Variants in NKAIN3 observed in about 807,000 individuals in gnomAD.
NKAIN3 encodes sodium/potassium transporting ATPase interacting 3.
A neutral mutation model predicts 30.2 loss-of-function variants in NKAIN3; 25 were observed. That is an observed-to-expected ratio of 0.83 (90% CI 0.60 to 1.16). The LOEUF (loss-of-function observed/expected upper bound fraction) is 1.16. NKAIN3 is among the 50% of genes most tolerant of loss of function. The pLI, the probability that NKAIN3 is intolerant of heterozygous loss-of-function variation, is 0.00. For synonymous variants in NKAIN3, 91 were observed against 89.6 expected (o/e 1.02, Z -0.09); for missense variants, 225 against 254.1 (o/e 0.89, Z 0.78).
At chr8:62,765,246 C>CAA (rs34477671) in intron 4 of NKAIN3, among the ~76,000 whole-genome samples, 1,130 of 40,336 alleles carry the variant, frequency 0.028, 49 homozygotes, top group African/African-American at 0.075. Context: ...GACTCCATCT[C>CAA]AAAAAAAAAA....
chr8:62,727,882 GT>G (rs1815311426), intron 3 of NKAIN3, among the ~76,000 whole-genome samples: 1 of 152,098 alleles, frequency 6.6e-6, no homozygotes, highest in African/African-American at 2.4e-5. Context: ...TTATTGAGGT[GT>G]AATTTATATA....
intron 5 of NKAIN3, among the ~76,000 whole-genome samples, chr8:62,997,017 C>T (rs1273985250): frequency 6.6e-6 from 1 of 152,192 alleles, no homozygotes; most frequent in Non-Finnish European, 1.5e-5. Context: ...GCCCTCTTCT[C>T]ACAGTTCCAC....
Position 62,539,266 on chromosome 8 carries a change from G to A in NKAIN3, c.55-40273G>A, listed in dbSNP as rs527628454. Among the ~76,000 whole-genome samples, 4 of 152,318 alleles carry A rather than the reference G, an allele frequency of 2.6e-5. No individual in the cohort carries two copies. The East Asian group carries it at 7.7e-4, about 29-fold the overall frequency. On this transcript the variant is annotated intron_variant, in intron 1 of 6. Coordinates refer to ENST00000623646, the MANE Select transcript of NKAIN3 (RefSeq NM_001304533.3). ...AATTAATTTCTTGAAAGATAACTCA[G>A]TAGAAATGATTTCATCATTAAGGGG...
At position 62,965,537 on chromosome 8, in the gene NKAIN3, A is replaced by G. The variant is rs753037154; in HGVS notation, c.*130A>G. The G allele has an allele frequency of 2.0e-6, 2 of 983,654 alleles. No homozygotes were observed. Among genetic ancestry groups the G allele is most frequent in the Admixed American group, 6.2e-5 (1 of 16,038 alleles). 60.9% of individuals were successfully genotyped at this position (983,654 alleles called of 1,614,324 possible). Reference sequence around the variant, plus strand: ...TTTTGGTCACAGCCTTTGTATTATTAGCATTGTTCTCTAGATGAGTTCTAG... The same window carrying G: ...TTTTGGTCACAGCCTTTGTATTATTGGCATTGTTCTCTAGATGAGTTCTAG... On this transcript the variant is annotated 3_prime_UTR_variant, in exon 7 of 7. Coordinates refer to ENST00000623646, the MANE Select transcript of NKAIN3 (RefSeq NM_001304533.3).
intron 1 of NKAIN3, among the ~76,000 whole-genome samples, chr8:62,460,538 G>A (rs1409857539): frequency 1.3e-5 from 2 of 152,144 alleles, no homozygotes; most frequent in African/African-American, 4.8e-5. Context: ...CTGAATGTTG[G>A]TAAGAACAAT....
chr8:62,783,729 G>A (rs1038070651), intron 4 of NKAIN3, among the ~76,000 whole-genome samples: 1 of 150,956 alleles, frequency 6.6e-6, no homozygotes, highest in African/African-American at 2.4e-5. Context: ...TCTGGCCTCA[G>A]CCTCTAGAGT....
intron 3 of NKAIN3, among the ~76,000 whole-genome samples, chr8:62,711,885 C>G (rs573194966): frequency 3.3e-5 from 5 of 152,320 alleles, no homozygotes; most frequent in Middle Eastern, 3.4e-3. Flanking sequence ...GAGGGAATGT[C>G]TAGGGCTGAA....
intron 5 of NKAIN3, among the ~76,000 whole-genome samples, chr8:62,934,106 C>T (rs1429399293): frequency 6.6e-6 from 1 of 152,158 alleles, no homozygotes; most frequent in Admixed American, 6.5e-5. Context: ...CTGATAAAGT[C>T]TTGTGTGGTG....
At chr8:62,453,690 G>A (rs1805720569) in intron 1 of NKAIN3, among the ~76,000 whole-genome samples, 1 of 151,900 alleles carries the variant, frequency 6.6e-6, no homozygotes, top group African/African-American at 2.4e-5. Flanking sequence ...AATGACAAAG[G>A]GGGCATTACC....
chr8:62,816,270 TTTG>T (rs1229969438), intron 4 of NKAIN3, among the ~76,000 whole-genome samples: 2 of 152,180 alleles, frequency 1.3e-5, no homozygotes, highest in Non-Finnish European at 2.9e-5. Flanking sequence ...TAGTGTAGTC[TTTG>T]TATGATTTGT....
chr8:62,952,541 G>A (rs1381469511), intron 5 of NKAIN3, among the ~76,000 whole-genome samples: 2 of 151,968 alleles, frequency 1.3e-5, no homozygotes, highest in South Asian at 2.1e-4. Context: ...TGACTATTTC[G>A]ACCTTTGAAG....
At chr8:62,557,694 T>C (rs116482629) in intron 1 of NKAIN3, among the ~76,000 whole-genome samples, 2,268 of 152,210 alleles carry the variant, frequency 0.015, 62 homozygotes, top group African/African-American at 0.051. Context: ...TGTTGACCAT[T>C]TGTATATCTT....
intron 1 of NKAIN3, among the ~76,000 whole-genome samples, chr8:62,265,478 A>G (rs1300384887): frequency 6.6e-6 from 1 of 152,248 alleles, no homozygotes; most frequent in African/African-American, 2.4e-5. Flanking sequence ...AGCAGCTTTC[A>G]GTAAACATCT....
chr8:62,754,707 C>T (rs912927084), intron 4 of NKAIN3, among the ~76,000 whole-genome samples: 36 of 152,102 alleles, frequency 2.4e-4, no homozygotes, highest in African/African-American at 8.2e-4. Flanking sequence ...CCTTTCATAT[C>T]GGACACATTC....
chr8:62,382,671 A>G (rs1168037227), intron 1 of NKAIN3, among the ~76,000 whole-genome samples: 2 of 152,116 alleles, frequency 1.3e-5, no homozygotes, highest in Non-Finnish European at 2.9e-5. Context: ...GTTTTCTGGC[A>G]CTGCTTCTTC....
intron 1 of NKAIN3, among the ~76,000 whole-genome samples, chr8:62,356,013 G>A (rs957466396): frequency 2.6e-5 from 4 of 152,104 alleles, no homozygotes; most frequent in Non-Finnish European, 4.4e-5. Flanking sequence ...AACTTCCAAC[G>A]GTGGCAGGTA....
intron 4 of NKAIN3, among the ~76,000 whole-genome samples, chr8:62,777,966 G>A (rs1280861340): frequency 6.6e-6 from 1 of 152,096 alleles, no homozygotes; most frequent in Admixed American, 6.6e-5. Flanking sequence ...TGTAGAGGTA[G>A]CATGTTGGGG....
rs552366858 is a variant in NKAIN3, at chr8:62,945,411, G to A, written c.533-8491G>A. Among the ~76,000 whole-genome samples, 73 of 152,208 alleles carry A rather than the reference G, an allele frequency of 4.8e-4. No individual in the cohort carries two copies. The Middle Eastern group carries it at 0.021, about 43-fold the overall frequency. ...AAAGCCAGCTACCTTTTTATTAGTAGCTATTACTTTATTAACATCAGCATA... is the reference window on the plus strand; with the variant it reads ...AAAGCCAGCTACCTTTTTATTAGTAACTATTACTTTATTAACATCAGCATA... On this transcript the variant is annotated intron_variant, in intron 5 of 6. Coordinates refer to ENST00000623646, the MANE Select transcript of NKAIN3 (RefSeq NM_001304533.3).
chr8:62,972,426 T>C lies in NKAIN3; in HGVS notation c.*7019T>C, dbSNP rs558441014. Among the ~76,000 whole-genome samples the C allele has an allele frequency of 6.6e-6, 1 of 152,290 alleles. No individual in the cohort carries two copies. The highest frequency in any genetic ancestry group is 2.1e-4 in the South Asian group (1 of 4,830). ...TTATTTTTAACCACCAGATTGAGTATGTTGATACATCAAATGCCAGTCTTT... is the reference window on the plus strand; with the variant it reads ...TTATTTTTAACCACCAGATTGAGTACGTTGATACATCAAATGCCAGTCTTT... On this transcript the variant is annotated 3_prime_UTR_variant, in exon 7 of 7. Transcript: ENST00000623646.
Sources: gnomAD v4.1 joint callset for allele counts (sites outside exome capture counted in the v4.1 genomes callset) on GRCh38, gnomAD v4.1.1 for gene constraint, MANE v1.5 for transcripts, NCBI Gene and HGNC (gene_info 2026-07-23, HGNC 2026-07-21) for gene names.